The following CNTNAP2 variants were observed in gnomAD, a reference collection of about 807,000 sequenced individuals.
The protein encoded by CNTNAP2 is contactin associated protein 2, also known as contactin-associated protein-like 2.
CNTNAP2 carries 98 observed loss-of-function variants against 155.2 expected under a neutral mutation model. That is an observed-to-expected ratio of 0.63 (90% CI 0.54 to 0.75). CNTNAP2 has a LOEUF of 0.75. Among genes scored for constraint, CNTNAP2 ranks in the 30% least tolerant of loss-of-function variants. The pLI is 0.00. For missense variants in CNTNAP2, 1,727 were observed against 1,688.1 expected (o/e 1.02, Z -0.40); for synonymous variants, 651 against 631.2 (o/e 1.03, Z -0.47).
At chr7:146,385,318 A>C (rs558956747) in intron 1 of CNTNAP2, among the ~76,000 whole-genome samples, 228 of 152,302 alleles carry the variant, frequency 1.5e-3, no homozygotes, top group African/African-American at 5.3e-3. Context: ...CCACCTGTAC[A>C]GAGCCATGGC....
intron 21 of CNTNAP2, among the ~76,000 whole-genome samples, chr7:148,291,243 G>A (rs902840064): frequency 6.6e-6 from 1 of 151,254 alleles, no homozygotes; most frequent in Non-Finnish European, 1.5e-5. Context: ...TAAGTGATCA[G>A]CATGTGTTTT....
At chr7:146,369,640 C>G (rs1057186176) in intron 1 of CNTNAP2, among the ~76,000 whole-genome samples, 2 of 152,032 alleles carry the variant, frequency 1.3e-5, no homozygotes, top group East Asian at 3.9e-4. Flanking sequence ...TTATTATTTA[C>G]CTTCACATAT....
At chr7:147,576,735 A>G (rs1221007700) in intron 12 of CNTNAP2, among the ~76,000 whole-genome samples, 1 of 152,142 alleles carries the variant, frequency 6.6e-6, no homozygotes, top group Non-Finnish European at 1.5e-5. Flanking sequence ...AACTTCCATA[A>G]TGCAACTAAC....
chr7:146,845,405 T>C (rs776721081), intron 3 of CNTNAP2, among the ~76,000 whole-genome samples: 61 of 152,228 alleles, frequency 4.0e-4, no homozygotes, highest in Non-Finnish European at 7.8e-4. Context: ...TATTTCTCTG[T>C]TCCTGAAATC....
intron 2 of CNTNAP2, among the ~76,000 whole-genome samples, chr7:146,830,685 C>T (rs913710281): frequency 6.6e-6 from 1 of 152,098 alleles, no homozygotes; most frequent in Admixed American, 6.5e-5. Flanking sequence ...GATGTTAAAA[C>T]AAACTGTACT....
intron 3 of CNTNAP2, among the ~76,000 whole-genome samples, chr7:146,890,458 T>A (rs1192929086): frequency 6.6e-6 from 1 of 152,200 alleles, no homozygotes; most frequent in South Asian, 2.1e-4. Context: ...CACCACTTTT[T>A]AAAATTTTCC....
chr7:148,214,010 A>G (rs1054634207), intron 18 of CNTNAP2, among the ~76,000 whole-genome samples: 1 of 152,194 alleles, frequency 6.6e-6, no homozygotes, highest in Admixed American at 6.5e-5. Context: ...CTGTGCCTTC[A>G]GCTAGAAAGC....
intron 19 of CNTNAP2, among the ~76,000 whole-genome samples, chr7:148,227,208 C>G (rs1335744313): frequency 6.6e-6 from 1 of 152,040 alleles, no homozygotes; most frequent in Non-Finnish European, 1.5e-5. Context: ...AATTCTGTGC[C>G]GAGTGAAGAT....
chr7:146,427,486 AT>A (rs1376790065), intron 1 of CNTNAP2, among the ~76,000 whole-genome samples: 3 of 151,968 alleles, frequency 2.0e-5, no homozygotes, highest in African/African-American at 7.3e-5. Context: ...TCTTCTTTTG[AT>A]TTTTCTTTTT....
intron 4 of CNTNAP2, among the ~76,000 whole-genome samples, chr7:147,106,183 ATG>A: frequency 6.6e-6 from 1 of 152,202 alleles, no homozygotes; most frequent in African/African-American, 2.4e-5. Context: ...ATAAAACAAG[ATG>A]TGTCTATTAT....
chr7:146,397,454 A>G (rs1795646812), intron 1 of CNTNAP2, among the ~76,000 whole-genome samples: 1 of 152,108 alleles, frequency 6.6e-6, no homozygotes, highest in South Asian at 2.1e-4. Flanking sequence ...AATTTATAGG[A>G]ATTTGTACAT....
intron 10 of CNTNAP2, among the ~76,000 whole-genome samples, chr7:147,483,333 A>G (rs1798456648): frequency 6.6e-6 from 1 of 152,148 alleles, no homozygotes; most frequent in African/African-American, 2.4e-5. Flanking sequence ...CAGGGACTTG[A>G]AAATGCGTGG....
chr7:147,249,490 G>A, intron 8 of CNTNAP2, among the ~76,000 whole-genome samples: 2 of 148,838 alleles, frequency 1.3e-5, no homozygotes, highest in East Asian at 4.0e-4. Context: ...TATAATCCAA[G>A]TGCTAACACC....
At chr7:147,953,267 A>G (rs1800966699) in intron 14 of CNTNAP2, among the ~76,000 whole-genome samples, 1 of 152,188 alleles carries the variant, frequency 6.6e-6, no homozygotes, top group Non-Finnish European at 1.5e-5. Context: ...ATTCTTATCA[A>G]TATCCCCTAA....
At chr7:147,081,392 C>A (rs1233626052) in intron 4 of CNTNAP2, 3 of 151,090 alleles carry the variant, frequency 2.0e-5, no homozygotes, top group African/African-American at 7.3e-5. Flanking sequence ...ATCCCAACCA[C>A]TCATCACTTA....
intron 3 of CNTNAP2, among the ~76,000 whole-genome samples, chr7:146,916,705 T>G (rs1465955469): frequency 6.6e-6 from 1 of 152,166 alleles, no homozygotes; most frequent in Non-Finnish European, 1.5e-5. Flanking sequence ...GGATCTTTTC[T>G]CTTCTTTTTT....
chr7:148,284,926 T>A (rs1321891649), intron 21 of CNTNAP2, among the ~76,000 whole-genome samples: 1 of 152,236 alleles, frequency 6.6e-6, no homozygotes, highest in Non-Finnish European at 1.5e-5. Flanking sequence ...TGAATGTTCC[T>A]CCGGCACTAA....
intron 14 of CNTNAP2, among the ~76,000 whole-genome samples, chr7:147,920,915 T>C (rs746969137): frequency 2.2e-4 from 33 of 148,638 alleles, no homozygotes; most frequent in Non-Finnish European, 3.6e-4. Context: ...GTTCAAGCAA[T>C]TCTCCTGCCT....
At chr7:148,260,549 G>A (rs1354110436) in intron 20 of CNTNAP2, among the ~76,000 whole-genome samples, 1 of 152,202 alleles carries the variant, frequency 6.6e-6, no homozygotes, top group Non-Finnish European at 1.5e-5. Flanking sequence ...GTTGCAGTGA[G>A]GGCTTAGCAG....
Sources: gnomAD v4.1 joint callset for allele counts (sites outside exome capture counted in the v4.1 genomes callset) on GRCh38, gnomAD v4.1.1 for gene constraint, MANE v1.5 for transcripts, NCBI Gene and HGNC (gene_info 2026-07-23, HGNC 2026-07-21) for gene names.